Variants in SIK3 observed in about 807,000 individuals in gnomAD.
SIK3 encodes the protein serine/threonine-protein kinase SIK3.
In SIK3, 28 loss-of-function variants were observed where a neutral mutation model predicts 144.2. That is an observed-to-expected ratio of 0.19 (90% CI 0.14 to 0.27). The LOEUF is 0.27. Ranked by LOEUF, SIK3 falls within the 10% of genes least tolerant of loss-of-function variation. The pLI is 1.00. For synonymous variants in SIK3, 686 were observed against 676.3 expected (o/e 1.01, Z -0.22); for missense variants, 1,319 against 1,776.0 (o/e 0.74, Z 4.62).
rs111907361 is a variant in SIK3, at chr11:116,955,881, G to GT, written c.390+1066dup. On this transcript the variant is annotated intron_variant, in intron 2 of 24. Coordinates refer to ENST00000445177, the MANE Select transcript of SIK3 (RefSeq NM_001366686.3). The stretch of plus-strand genomic sequence containing the variant: ...GCCAGGGAAGAGCTCTAACGCTGTA[G>GT]TTTTAACCACACATGTTAATATCAC... Among the ~76,000 whole-genome samples the GT allele has an allele frequency of 7.7e-3, 1,166 of 151,820 alleles. 14 individuals are homozygous for GT. The highest frequency in any genetic ancestry group is 0.024 in the African/African-American group (1,000 of 41,230).
At chr11:117,055,944 C>A (rs945596487) in intron 1 of SIK3, among the ~76,000 whole-genome samples, 8 of 152,172 alleles carry the variant, frequency 5.3e-5, no homozygotes, top group Non-Finnish European at 1.0e-4. Flanking sequence ...GCCCTCCCAG[C>A]CTCCAGAACT....
At chr11:117,020,165 C>T (rs571048346) in intron 1 of SIK3, among the ~76,000 whole-genome samples, 2 of 148,824 alleles carry the variant, frequency 1.3e-5, no homozygotes, top group Non-Finnish European at 3.0e-5. Context: ...CCAACTCAGC[C>T]GTTTATCAGA....
At chr11:116,939,006 AAAAG>A (rs1224580047) in intron 3 of SIK3, among the ~76,000 whole-genome samples, 2 of 152,226 alleles carry the variant, frequency 1.3e-5, no homozygotes, top group Non-Finnish European at 2.9e-5. Flanking sequence ...ATACATAAGG[AAAAG>A]AAAGAATCAA....
At chr11:116,920,370 A>T (rs1421339460) in intron 4 of SIK3, among the ~76,000 whole-genome samples, 1 of 152,012 alleles carries the variant, frequency 6.6e-6, no homozygotes, top group Non-Finnish European at 1.5e-5. Flanking sequence ...TCTATGTTGA[A>T]TTTATCTCTC....
chr11:116,892,698 C>T (rs1018153887), intron 6 of SIK3, among the ~76,000 whole-genome samples: 2 of 152,106 alleles, frequency 1.3e-5, no homozygotes, highest in African/African-American at 2.4e-5. Context: ...ACCATATGAT[C>T]CAGGAATTGT....
chr11:116,899,361 T>C (rs201853461), intron 4 of SIK3, among the ~76,000 whole-genome samples: 3 of 151,914 alleles, frequency 2.0e-5, no homozygotes, highest in South Asian at 4.2e-4. Context: ...ACCATGCTGT[T>C]TTGGTTACTG....
chr11:116,893,933 C>T (rs1945265511), intron 6 of SIK3: 1 of 166,984 alleles, frequency 6.0e-6, no homozygotes, highest in East Asian at 1.9e-4. Flanking sequence ...GCTCCTGTTC[C>T]TCTGCCAAAA....
In SIK3 at chr11:117,017,530, T is replaced by A. The variant is rs556205498; in HGVS notation, c.274-60466A>T. Among the ~76,000 whole-genome samples, 38 of 51,900 alleles carry A rather than the reference T, an allele frequency of 7.3e-4. 1 individual carries two copies. The highest frequency in any genetic ancestry group is 1.3e-3 in the African/African-American group (37 of 29,176). The allele number at this position is 51,900 out of a possible 152,430, so 34.0% of individuals were successfully genotyped here. ...TAGTAAACATTCAATAAAACAAATGTTTTTTTAAGGCAAGATACTATCAAA... is the reference window on the plus strand; with the variant it reads ...TAGTAAACATTCAATAAAACAAATGATTTTTTAAGGCAAGATACTATCAAA... On this transcript the variant is annotated intron_variant, in intron 1 of 24. Coordinates refer to ENST00000445177, the MANE Select transcript of SIK3 (RefSeq NM_001366686.3).
intron 4 of SIK3, among the ~76,000 whole-genome samples, chr11:116,925,572 A>G (rs1353290252): frequency 6.6e-6 from 1 of 152,242 alleles, no homozygotes; most frequent in Non-Finnish European, 1.5e-5. Context: ...ACAGGCTAAC[A>G]AATCTGTGTT....
At position 116,919,498 on chromosome 11, in the gene SIK3, G is replaced by A. The variant is rs952454407; in HGVS notation, c.616+7721C>T. 5.3e-5 allele frequency among the ~76,000 whole-genome samples: 8 copies of A among 152,102 alleles called. No homozygotes were observed. The East Asian group carries it at 5.8e-4, about 11-fold the overall frequency. On this transcript the variant is annotated intron_variant, in intron 4 of 24. Transcript: ENST00000445177. The stretch of plus-strand genomic sequence containing the variant: ...TCTCATGGAGACCATTCTGGGAGTC[G>A]ACATTTAAAGACAAAAGTTTCCAAC...
intron 3 of SIK3, 65 bp downstream of exon 3, chr11:116,953,979 C>A (rs1949049260): frequency 4.6e-6 from 6 of 1,303,968 alleles, no homozygotes; most frequent in Non-Finnish European, 6.6e-6. Context: ...AGGCACTGAA[C>A]AGCTATTTTA....
chr11:116,979,603 G>A (rs1263723596), intron 1 of SIK3, among the ~76,000 whole-genome samples: 1 of 152,124 alleles, frequency 6.6e-6, no homozygotes, highest in East Asian at 1.9e-4. Context: ...TCCCAGCACT[G>A]TGGGAGGCCA....
chr11:116,921,239 T>C (rs572231655), intron 4 of SIK3, among the ~76,000 whole-genome samples: 1 of 152,344 alleles, frequency 6.6e-6, no homozygotes, highest in South Asian at 2.1e-4. Context: ...TTTACTTTTT[T>C]AATAAGATAT....
intron 1 of SIK3, among the ~76,000 whole-genome samples, chr11:117,075,649 C>A (rs765967929): frequency 2.7e-5 from 4 of 149,186 alleles, no homozygotes; most frequent in Non-Finnish European, 5.9e-5. Flanking sequence ...TCACGCCATT[C>A]TCCTGCTTCA....
intron 3 of SIK3, among the ~76,000 whole-genome samples, chr11:116,933,972 A>G (rs1947767406): frequency 6.6e-6 from 1 of 152,110 alleles, no homozygotes; most frequent in Non-Finnish European, 1.5e-5. Context: ...TATTCTTTCT[A>G]CTTGGAATGC....
At chr11:116,947,127 A>AATATATAAATTATTATTTATATATATT (rs1948638119) in intron 3 of SIK3, among the ~76,000 whole-genome samples, 7 of 39,952 alleles carry the variant, frequency 1.8e-4, no homozygotes, top group Non-Finnish European at 3.6e-4. Context: ...ATATATATAT[A>AATATATAAATTATTATTTATATATATT]ATATATAAAT....
intron 1 of SIK3, among the ~76,000 whole-genome samples, chr11:117,082,640 T>G (rs910109322): frequency 2.0e-5 from 3 of 152,158 alleles, no homozygotes; most frequent in African/African-American, 7.2e-5. Context: ...AAATAAGCAG[T>G]GACTGCTAAT....
rs181572247 is a variant in SIK3 at position 116,932,769 on chromosome 11, C to T, written c.455-5389G>A. Among the ~76,000 whole-genome samples the T allele has an allele frequency of 9.2e-5, 14 of 152,204 alleles. No homozygotes were observed. In the East Asian group the frequency reaches 1.9e-3, roughly 21 times the overall value. On this transcript the variant is annotated intron_variant, in intron 3 of 24. Transcript: ENST00000445177. Reference sequence around the variant, plus strand: ...CACTATATAAACAGAATCATACAGTCGGCGACCTTTTGAGATTGGCTTTTT... The same window carrying T: ...CACTATATAAACAGAATCATACAGTTGGCGACCTTTTGAGATTGGCTTTTT...
intron 1 of SIK3, among the ~76,000 whole-genome samples, chr11:116,999,951 A>G (rs1462439821): frequency 6.6e-6 from 1 of 152,246 alleles, no homozygotes; most frequent in Non-Finnish European, 1.5e-5. Context: ...ATCCCAGAGC[A>G]ACAGTGGGCA....
Sources: gnomAD v4.1 joint callset for allele counts (sites outside exome capture counted in the v4.1 genomes callset) on GRCh38, gnomAD v4.1.1 for gene constraint, MANE v1.5 for transcripts, NCBI Gene and HGNC (gene_info 2026-07-23, HGNC 2026-07-21) for gene names.